NUP58: variants seen among roughly 807,000 people sequenced by gnomAD.
The protein encoded by NUP58 is nucleoporin p58/p45.
Under a neutral mutation model 70.1 loss-of-function variants are expected in NUP58, and 17 were observed. The ratio of observed to expected loss-of-function variants is 0.24; its 90% CI spans 0.17 to 0.36. NUP58 has a LOEUF of 0.36. Among genes scored for constraint, NUP58 ranks in the 10% least tolerant of loss-of-function variants. The pLI is 1.00. For synonymous variants in NUP58, 275 were observed against 257.6 expected (o/e 1.07, Z -0.65); for missense variants, 644 against 701.5 (o/e 0.92, Z 0.93).
chr13:25,327,575 G>A, intron 12 of NUP58, 63 bp downstream of exon 12: 1 of 1,033,570 alleles, frequency 9.7e-7, no homozygotes, highest in East Asian at 2.5e-5. Context: ...TTCATCTGGG[G>A]ACAAATGTGT....
intron 1 of NUP58, among the ~76,000 whole-genome samples, chr13:25,304,485 T>C (rs2030197396): frequency 4.4e-5 from 2 of 45,460 alleles, no homozygotes; most frequent in Admixed American, 6.6e-4. Context: ...AGATTATATA[T>C]ATATATATAT....
intron 15 of NUP58, 59 bp downstream of exon 15, chr13:25,338,790 A>G (rs893730113): frequency 6.2e-6 from 9 of 1,440,866 alleles, no homozygotes; most frequent in Admixed American, 3.5e-5. Context: ...ATTTAATTTA[A>G]AAGTATGTGT....
intron 12 of NUP58, among the ~76,000 whole-genome samples, chr13:25,329,812 T>C (rs1360554288): frequency 6.6e-6 from 1 of 152,122 alleles, no homozygotes; most frequent in East Asian, 1.9e-4. Context: ...GGTTTTTGTT[T>C]GTTTGTTTTA....
chr13:25,336,888 G>T, intron 13 of NUP58, 48 bp from the exon 14 acceptor site: 1 of 1,181,860 alleles, frequency 8.5e-7, no homozygotes. Context: ...AAAGAGTAAG[G>T]CAAATTTGTT....
At chr13:25,322,680 C>T (rs2031236502) in intron 9 of NUP58, among the ~76,000 whole-genome samples, 1 of 152,218 alleles carries the variant, frequency 6.6e-6, no homozygotes, top group Non-Finnish European at 1.5e-5. Context: ...TCCCAAGGTG[C>T]CTGATTTTAT....
chr13:25,324,433 A>G (rs2031311031), intron 9 of NUP58, among the ~76,000 whole-genome samples: 1 of 152,202 alleles, frequency 6.6e-6, no homozygotes, highest in South Asian at 2.1e-4. Context: ...AAGCTTTAAA[A>G]GATCCAGTTC....
chr13:25,311,495 C>A (rs971764933), intron 3 of NUP58, among the ~76,000 whole-genome samples: 1 of 152,054 alleles, frequency 6.6e-6, no homozygotes, highest in East Asian at 1.9e-4. Context: ...CCTGTCTCAG[C>A]CTCCCGAGTA....
intron 3 of NUP58, among the ~76,000 whole-genome samples, chr13:25,310,419 C>T: frequency 6.6e-6 from 1 of 151,126 alleles, no homozygotes; most frequent in Non-Finnish European, 1.5e-5. Flanking sequence ...GGGGTTTCTC[C>T]ATGTTGGTCA....
chr13:25,316,335 T>C (rs377527483), intron 6 of NUP58, among the ~76,000 whole-genome samples: 5 of 152,208 alleles, frequency 3.3e-5, no homozygotes, highest in Non-Finnish European at 5.9e-5. Context: ...GATGAAAGCA[T>C]GTTTCACTAG....
chr13:25,337,397 A>G (rs2031823538), intron 14 of NUP58, among the ~76,000 whole-genome samples: 2 of 152,146 alleles, frequency 1.3e-5, no homozygotes, highest in African/African-American at 4.8e-5. Flanking sequence ...TCTGGATGAT[A>G]TACATTCTCC....
At chr13:25,324,390 TG>T (rs1464948737) in intron 9 of NUP58, among the ~76,000 whole-genome samples, 1 of 152,148 alleles carries the variant, frequency 6.6e-6, no homozygotes, top group Non-Finnish European at 1.5e-5. Context: ...TGGCTGGAAT[TG>T]TAGAAAGCAA....
chr13:25,318,076 T>C (rs1367029181), intron 6 of NUP58, among the ~76,000 whole-genome samples: 1 of 152,002 alleles, frequency 6.6e-6, no homozygotes, highest in Non-Finnish European at 1.5e-5. Context: ...ACGCCTGTAA[T>C]CCCAGCACTT....
At chr13:25,345,513 TTTC>T (rs35951786), downstream of NUP58, among the ~76,000 whole-genome samples, 124,884 of 151,074 alleles carry the variant, frequency 0.83, 54,287 homozygotes, top group Non-Finnish European at 0.96. Flanking sequence ...TCTTTGACCT[TTTC>T]TTGCTGGTTC....
At chr13:25,305,907 G>C (rs575064818) in intron 1 of NUP58, among the ~76,000 whole-genome samples, 1 of 152,202 alleles carries the variant, frequency 6.6e-6, no homozygotes, top group South Asian at 2.1e-4. Flanking sequence ...TTCTGGCTTG[G>C]AGTACAGTTA....
chr13:25,334,866 G>A, intron 13 of NUP58: 1 of 984,246 alleles, frequency 1.0e-6, no homozygotes, highest in African/African-American at 1.7e-5. Context: ...ATTTCACTTT[G>A]GCCAGTCATT....
At chr13:25,316,636 A>T (rs763862003) in intron 6 of NUP58, among the ~76,000 whole-genome samples, 3 of 152,234 alleles carry the variant, frequency 2.0e-5, no homozygotes, top group Non-Finnish European at 2.9e-5. Context: ...CTCCATAATT[A>T]GGAAAGCAGC....
In NUP58 at chr13:25,321,109, G is replaced by A. The variant is rs762565816; in HGVS notation, c.951+16G>A. The A allele has an allele frequency of 6.4e-7, 1 of 1,556,564 alleles. No individual in the cohort carries two copies. Among genetic ancestry groups the A allele is most frequent in the Admixed American group, 2.3e-5 (1 of 44,044 alleles). On this transcript the variant is annotated intron_variant, in intron 9 of 15. Coordinates refer to ENST00000381736, the MANE Select transcript of NUP58 (RefSeq NM_014089.4). ...AACTGCTCAGGTATACCAACTTATG[G>A]CCATTTTACCGTAGGGTTTTTTTGT...
At position 25,331,406 on chromosome 13, in the gene NUP58, C is replaced by G; in HGVS notation, c.1283C>G (p.Ala428Gly). ...TACAGGAAAATGTTCTTGGGAGATG[C>G]TGTTGATGTGTTTGAAACAAGGCGA... is the stretch of plus-strand genomic sequence containing the variant. ...LGYRKMFLGD[A>G]VDVFETRRAE... is the part of the protein sequence containing the mutation. Residue 428 changes from alanine (A) to glycine (G), a missense_variant, in exon 13 of 16, where the codon GCT (alanine) becomes GGT (glycine). Transcript: ENST00000381736. 6.2e-7 allele frequency: 1 copy of G among 1,614,084 alleles called. No homozygotes were observed. The highest frequency in any genetic ancestry group is 1.1e-5 in the South Asian group (1 of 91,086).
intron 10 of NUP58, among the ~76,000 whole-genome samples, chr13:25,325,526 C>T (rs1054661947): frequency 2.0e-5 from 3 of 152,148 alleles, no homozygotes; most frequent in Non-Finnish European, 4.4e-5. Flanking sequence ...CTGTTTATGT[C>T]CTTCCATGTT....
Sources: gnomAD v4.1 joint callset for allele counts (sites outside exome capture counted in the v4.1 genomes callset) on GRCh38, gnomAD v4.1.1 for gene constraint, MANE v1.5 for transcripts, NCBI Gene and HGNC (gene_info 2026-07-23, HGNC 2026-07-21) for gene names.